The following AQP10 variants were observed in gnomAD, a reference collection of about 807,000 sequenced individuals.
AQP10 encodes the protein aquaporin-10.
AQP10 carries 15 observed loss-of-function variants against 21.0 expected under a neutral mutation model. The observed-to-expected ratio is 0.71, with a 90% CI of 0.48 to 1.10. AQP10 has a LOEUF of 1.10. Ranked by LOEUF, AQP10 falls within the 50% of genes least tolerant of loss-of-function variation. The probability of loss-of-function intolerance (pLI) is 0.00; values close to 1 mark genes in which losing one functional copy is unlikely to be tolerated. For missense variants in AQP10, 268 were observed against 379.5 expected (o/e 0.71, Z 2.44); for synonymous variants, 143 against 155.7 (o/e 0.92, Z 0.61).
At chr1:154,321,362 A>C in intron 1 of AQP10, 102 bp downstream of exon 1, 1 of 836,738 alleles carries the variant, frequency 1.2e-6, no homozygotes, top group South Asian at 1.8e-5. Flanking sequence ...CCTTCCTCTC[A>C]ACTCCCTATC....
At position 154,323,933 on chromosome 1, in the gene AQP10, C is replaced by A; in HGVS notation, c.707+127C>A. The stretch of plus-strand genomic sequence containing the variant: ...GCTTCTTAGGACAGTGTTCTTTCTC[C>A]AAGTCATATTCTCCCCCTTTCTCCC... On this transcript the variant is annotated intron_variant, in intron 5 of 5. Coordinates refer to ENST00000324978, the MANE Select transcript of AQP10 (RefSeq NM_080429.3). The surrounding 1 kb of genome is among the most constrained non-coding windows in gnomAD (Gnocchi z 4.5). The A allele has an allele frequency of 6.7e-7, 1 of 1,487,434 alleles. No homozygotes were observed. Among genetic ancestry groups the A allele is most frequent in the South Asian group, 1.4e-5 (1 of 73,582 alleles). 92.1% of individuals were successfully genotyped at this position (1,487,434 alleles called of 1,614,324 possible).
Position 154,321,193 on chromosome 1 carries a change from A to G in AQP10, c.38A>G (p.His13Arg). The G allele has an allele frequency of 6.2e-7, 1 of 1,613,772 alleles. No homozygotes were observed. The highest frequency in any genetic ancestry group is 8.5e-7 in the Non-Finnish European group (1 of 1,179,862). The stretch of plus-strand genomic sequence containing the variant: ...CAGGCCCCGGCTGAAATCATGGGCC[A>G]CCTCCGGATACGCAGCCTCCTGGCC... ...FTQAPAEIMGHLRIRSLLARQ... is the reference protein window; with the variant it reads ...FTQAPAEIMGRLRIRSLLARQ... The change falls in exon 1 of 6, where the codon CAC (histidine) becomes CGC (arginine). Residue 13 changes from histidine to arginine, a missense_variant. By Grantham distance (29) the His-to-Arg change is conservative. Transcript: ENST00000324978.
At position 154,324,632 on chromosome 1, in the gene AQP10, G is replaced by A; in HGVS notation, c.*152G>A. On this transcript the variant is annotated 3_prime_UTR_variant, in exon 6 of 6. Coordinates refer to ENST00000324978, the MANE Select transcript of AQP10 (RefSeq NM_080429.3). The stretch of plus-strand genomic sequence containing the variant: ...CATCCCTTCCTCCTAAACTAAGAAG[G>A]ATCCTGGACAGGGAGAAGTGGAGGA... The A allele has an allele frequency of 1.3e-6, 1 of 748,388 alleles. No individual in the cohort carries two copies. Among genetic ancestry groups the A allele is most frequent in the Non-Finnish European group, 2.1e-6 (1 of 482,166 alleles). The allele number at this position is 748,388 out of a possible 1,614,324, so 46.4% of individuals were successfully genotyped here. A position where few individuals can be genotyped will look rare whatever the true frequency, so the allele number is the denominator to read the frequency against.
At chr1:154,322,396 C>T (rs748202363) in intron 2 of AQP10, among the ~76,000 whole-genome samples, 1 of 151,588 alleles carries the variant, frequency 6.6e-6, no homozygotes, top group Non-Finnish European at 1.5e-5. Context: ...CACACTGCAT[C>T]GGTGTGCTTG....
At chr1:154,324,036 C>G (rs978973117) in intron 5 of AQP10, 1 of 1,395,704 alleles carries the variant, frequency 7.2e-7, no homozygotes, top group Non-Finnish European at 9.4e-7. Flanking sequence ...TACTTCCATG[C>G]ACATTAGTGA....
rs749263103 is a variant in AQP10 at position 154,323,317 on chromosome 1, T to A, written c.447T>A (p.Tyr149Ter). 6.2e-7 allele frequency: 1 copy of A among 1,614,182 alleles called. No homozygotes were observed. ...AGACAGCCTCCATTTTTGCCACCTA[T>A]CCTGCCCCCTATCTGTCCCTGAACA... ...PKETASIFATYPAPYLSLNNG... is the reference protein window; with the variant it reads ...PKETASIFAT Residue 149 changes from tyrosine to a stop codon, truncating the protein, a stop_gained, in exon 4 of 6, where the codon TAT (tyrosine) becomes TAA (stop). Transcript: ENST00000324978. LOFTEE classifies it high-confidence loss of function. This position sits in a 1 kb window ranked among gnomAD's most constrained non-coding sequence, Gnocchi z 4.5.
In AQP10 at chr1:154,322,135, C is replaced by G. The variant is rs561081874; in HGVS notation, c.232+76C>G. The G allele has an allele frequency of 1.3e-4, 206 of 1,579,158 alleles. 1 individual carries two copies. In the Middle Eastern group the frequency reaches 1.3e-3, roughly 10 times the overall value. Reference sequence around the variant, plus strand: ...TTTGTCTGTCTGGTGATGGTGGAAACGCAAATCCTTCTGTGACTCGTGGAC... The same window carrying G: ...TTTGTCTGTCTGGTGATGGTGGAAAGGCAAATCCTTCTGTGACTCGTGGAC... On this transcript the variant is annotated intron_variant, in intron 2 of 5. Transcript: ENST00000324978.
At chr1:154,321,870 C>T (rs1685649336) in intron 1 of AQP10, 63 bp from the exon 2 acceptor site, 1 of 1,603,484 alleles carries the variant, frequency 6.2e-7, no homozygotes, top group African/African-American at 1.3e-5. Context: ...CCCTGGCCTT[C>T]CCAACCTTTC....
rs555546739 is a variant in AQP10 at position 154,321,864 on chromosome 1, G to A, written c.106-69G>A. 123 of 1,598,292 alleles carry A rather than the reference G, an allele frequency of 7.7e-5. 1 individual carries two copies. In the African/African-American group the frequency reaches 1.4e-3, roughly 19 times the overall value. On this transcript the variant is annotated intron_variant, in intron 1 of 5. Coordinates refer to ENST00000324978, the MANE Select transcript of AQP10 (RefSeq NM_080429.3). The stretch of plus-strand genomic sequence containing the variant: ...CATTCATCTCCTTGGCTGCTCCCCT[G>A]GCCTTCCCAACCTTTCTCCCTGTTG...
At chr1:154,322,459 G>A (rs1382594509) in intron 2 of AQP10, among the ~76,000 whole-genome samples, 2 of 147,048 alleles carry the variant, frequency 1.4e-5, no homozygotes, top group Non-Finnish European at 3.0e-5. Flanking sequence ...ACAGACCTAG[G>A]TTCCAACTTT....
Position 154,323,859 on chromosome 1 carries a change from G to T in AQP10, c.707+53G>T. 6.3e-7 allele frequency: 1 copy of T among 1,594,230 alleles called. No individual in the cohort carries two copies. Reference sequence around the variant, plus strand: ...CCTCCACTCACCTTCCTCTGCTAAGGGCTCTGTCCCTGGGTCCACAGCACT... The same window carrying T: ...CCTCCACTCACCTTCCTCTGCTAAGTGCTCTGTCCCTGGGTCCACAGCACT... On this transcript the variant is annotated intron_variant, in intron 5 of 5. Transcript: ENST00000324978. The surrounding 1 kb of genome is among the most constrained non-coding windows in gnomAD (Gnocchi z 4.5).
rs1405779519 is a variant in AQP10, at chr1:154,321,274, C to T, written c.105+14C>T. Reference sequence around the variant, plus strand: ...TTTGTACTCATGGTAGGTAGGATCACTGCGGGAAGGAAAGAAGGGGGTTGG... The same window carrying T: ...TTTGTACTCATGGTAGGTAGGATCATTGCGGGAAGGAAAGAAGGGGGTTGG... On this transcript the variant is annotated intron_variant, in intron 1 of 5. Coordinates refer to ENST00000324978, the MANE Select transcript of AQP10 (RefSeq NM_080429.3). 1.2e-6 allele frequency: 2 copies of T among 1,605,068 alleles called. No individual in the cohort carries two copies. Among genetic ancestry groups the T allele is most frequent in the South Asian group, 2.2e-5 (2 of 90,382 alleles).
chr1:154,321,364 C>T (rs1414252559), intron 1 of AQP10, 104 bp downstream of exon 1: 3 of 798,734 alleles, frequency 3.8e-6, no homozygotes, highest in Non-Finnish European at 3.8e-6. Context: ...TTCCTCTCAA[C>T]TCCCTATCAC....
At position 154,323,761 on chromosome 1, in the gene AQP10, C is replaced by CACGTCTCTTCACCT. The variant is rs765233123; in HGVS notation, c.667_680dup (p.Ala228SerfsTer81). ...CTCAACCCTGCCCGGGACCTGGGCCCACGTCTCTTCACCTACGTGGCTGGC... is the reference window on the plus strand; with the variant it reads ...CTCAACCCTGCCCGGGACCTGGGCCCACGTCTCTTCACCTACGTCTCTTCACCTACGTGGCTGGC... On this transcript the variant is annotated frameshift_variant, in exon 5 of 6. Transcript: ENST00000324978. LOFTEE classifies it low-confidence loss of function (END_TRUNC). The surrounding 1 kb of genome is among the most constrained non-coding windows in gnomAD (Gnocchi z 4.5). 7 of 1,614,192 alleles carry CACGTCTCTTCACCT rather than the reference C, an allele frequency of 4.3e-6. No individual in the cohort carries two copies. In the South Asian group the frequency reaches 7.7e-5, roughly 18 times the overall value.
chr1:154,322,795 G>A (rs1438659135), intron 2 of AQP10, among the ~76,000 whole-genome samples, 187 bp from the exon 3 acceptor site: 2 of 152,100 alleles, frequency 1.3e-5, no homozygotes, highest in African/African-American at 4.8e-5. Context: ...ACTGTGCCTG[G>A]CCCACAGTGT....
In AQP10 at chr1:154,323,144, G is replaced by A; in HGVS notation, c.370+25G>A. ...GGTGACAGAGGGAACAGAGGGAGCT[G>A]TGCCTTGAGAGCACCTGTGGGTGGG... On this transcript the variant is annotated intron_variant, in intron 3 of 5. Coordinates refer to ENST00000324978, the MANE Select transcript of AQP10 (RefSeq NM_080429.3). This position sits in a 1 kb window ranked among gnomAD's most constrained non-coding sequence, Gnocchi z 4.5. 1 of 1,614,146 alleles carries A rather than the reference G, an allele frequency of 6.2e-7. No individual in the cohort carries two copies. The highest frequency in any genetic ancestry group is 1.1e-5 in the South Asian group (1 of 91,080).
rs757352395 is a variant in AQP10 at position 154,321,114 on chromosome 1, G to A, written c.-42G>A. The stretch of plus-strand genomic sequence containing the variant: ...AGCTGTGCAGTGACAGTGTGCCTAT[G>A]CAGACAGAGGGAGCAGTGAATAGCA... On this transcript the variant is annotated 5_prime_UTR_variant, in exon 1 of 6. The change abolishes an upstream ATG in the 5' untranslated region. Coordinates refer to ENST00000324978, the MANE Select transcript of AQP10 (RefSeq NM_080429.3). 6.5e-7 allele frequency: 1 copy of A among 1,538,212 alleles called. No homozygotes were observed. The highest frequency in any genetic ancestry group is 8.9e-7 in the Non-Finnish European group (1 of 1,119,514).
At position 154,323,381 on chromosome 1, in the gene AQP10, G is replaced by T; in HGVS notation, c.489+22G>T. 1 of 1,603,746 alleles carries T rather than the reference G, an allele frequency of 6.2e-7. No homozygotes were observed. ...TCAGGTAAGTGTGAGGGGGAGACCT[G>T]GGGACACTACTTTGGTCCTGTTCCT... On this transcript the variant is annotated intron_variant, in intron 4 of 5. Transcript: ENST00000324978. The surrounding 1 kb of genome is among the most constrained non-coding windows in gnomAD (Gnocchi z 4.5).
In AQP10 at chr1:154,323,175, G is replaced by T; in HGVS notation, c.370+56G>T. 1 of 1,613,988 alleles carries T rather than the reference G, an allele frequency of 6.2e-7. No homozygotes were observed. The highest frequency in any genetic ancestry group is 2.2e-5 in the East Asian group (1 of 44,874). Reference sequence around the variant, plus strand: ...TGAGAGCACCTGTGGGTGGGCAGGGGTGCCTCAGAATGGTTTTGGATGAAT... The same window carrying T: ...TGAGAGCACCTGTGGGTGGGCAGGGTTGCCTCAGAATGGTTTTGGATGAAT... On this transcript the variant is annotated intron_variant, in intron 3 of 5. Transcript: ENST00000324978. This position sits in a 1 kb window ranked among gnomAD's most constrained non-coding sequence, Gnocchi z 4.5.
Sources: gnomAD v4.1 joint callset for allele counts (sites outside exome capture counted in the v4.1 genomes callset) on GRCh38, gnomAD v4.1.1 for gene constraint, Gnocchi (gnomAD v3.1) non-coding constraint, MANE v1.5 for transcripts, NCBI Gene and HGNC (gene_info 2026-07-23, HGNC 2026-07-21) for gene names.